BICC1: variants seen among roughly 807,000 people sequenced by gnomAD.
BICC1 encodes protein bicaudal C homolog 1.
BICC1 carries 43 observed loss-of-function variants against 111.0 expected under a neutral mutation model. The ratio of observed to expected loss-of-function variants is 0.39; its 90% CI spans 0.30 to 0.50. BICC1 has a LOEUF of 0.50. BICC1 is among the 20% of genes least tolerant of loss of function. The pLI is 0.88. For missense variants in BICC1, 1,091 were observed against 1,203.2 expected (o/e 0.91, Z 1.38); for synonymous variants, 467 against 434.4 (o/e 1.07, Z -0.93).
chr10:58,601,373 C>A (rs767975586), intron 1 of BICC1, among the ~76,000 whole-genome samples: 4 of 151,324 alleles, frequency 2.6e-5, no homozygotes, highest in Non-Finnish European at 5.9e-5. Flanking sequence ...TTATCATAAT[C>A]ATTTTTCCTT....
rs574878110 is a variant in BICC1, at chr10:58,830,565, A to G, written c.*1674A>G. On this transcript the variant is annotated 3_prime_UTR_variant, in exon 21 of 21. Coordinates refer to ENST00000373886, the MANE Select transcript of BICC1 (RefSeq NM_001080512.3). ...TTTTCCATGGCTGAGTCTGACCATT[A>G]CAGTAAGAACAAGAATTGAAGAGGC... 7.2e-5 allele frequency: 11 copies of G among 152,326 alleles called. No homozygotes were observed. In the South Asian group the frequency reaches 1.0e-3, roughly 14 times the overall value. 9.4% of individuals were successfully genotyped at this position (152,326 alleles called of 1,614,324 possible).
intron 1 of BICC1, among the ~76,000 whole-genome samples, chr10:58,534,464 T>G (rs2131863088): frequency 6.6e-6 from 1 of 151,776 alleles, no homozygotes; most frequent in Admixed American, 6.6e-5. Context: ...ACACAAAGAT[T>G]CTCTATAACC....
At chr10:58,546,475 A>C (rs979677259) in intron 1 of BICC1, among the ~76,000 whole-genome samples, 1 of 152,164 alleles carries the variant, frequency 6.6e-6, no homozygotes, top group Non-Finnish European at 1.5e-5. Flanking sequence ...AGATTACGAA[A>C]AATATTTATG....
At chr10:58,786,384 C>T (rs1396304301) in intron 4 of BICC1, among the ~76,000 whole-genome samples, 1 of 152,140 alleles carries the variant, frequency 6.6e-6, no homozygotes, top group Admixed American at 6.6e-5. Flanking sequence ...CTTCTTTCTA[C>T]CAGCAAGAGT....
At chr10:58,803,283 G>A (rs1278231464) in intron 15 of BICC1, 41 bp downstream of exon 15, 2 of 1,535,794 alleles carry the variant, frequency 1.3e-6, no homozygotes, top group East Asian at 2.3e-5. Context: ...AATGTCATAT[G>A]TTTGGGTTCT....
At chr10:58,728,234 G>T (rs1055925951) in intron 3 of BICC1, among the ~76,000 whole-genome samples, 1 of 152,136 alleles carries the variant, frequency 6.6e-6, no homozygotes, top group Non-Finnish European at 1.5e-5. Flanking sequence ...TTTTACAATT[G>T]TCATCAATCC....
At chr10:58,601,166 A>ATATATATATATATATATC (rs1845022909) in intron 1 of BICC1, among the ~76,000 whole-genome samples, 2 of 140,966 alleles carry the variant, frequency 1.4e-5, no homozygotes, top group Non-Finnish European at 3.1e-5. Flanking sequence ...ATATATATAT[A>ATATATATATATATATATC]TATATCTCCC....
At chr10:58,700,025 A>G (rs2132443155) in intron 2 of BICC1, among the ~76,000 whole-genome samples, 1 of 152,316 alleles carries the variant, frequency 6.6e-6, no homozygotes, top group South Asian at 2.1e-4. Context: ...GAGAGTCTTA[A>G]GTAACTTAGG....
intron 1 of BICC1, among the ~76,000 whole-genome samples, chr10:58,543,382 A>G (rs1399983813): frequency 6.6e-6 from 1 of 152,148 alleles, no homozygotes; most frequent in Non-Finnish European, 1.5e-5. Context: ...AGAGTTGTTT[A>G]GTGGTTATAG....
chr10:58,567,767 A>G (rs1658435), intron 1 of BICC1, among the ~76,000 whole-genome samples: 69,640 of 151,714 alleles, frequency 0.46, 17,010 homozygotes, highest in Admixed American at 0.62. Context: ...GCATTTATAA[A>G]GTTCCTGCTA....
chr10:58,768,381 A>G (rs1842517177), intron 3 of BICC1, among the ~76,000 whole-genome samples: 1 of 152,196 alleles, frequency 6.6e-6, no homozygotes, highest in African/African-American at 2.4e-5. Context: ...AAGGAAGGAG[A>G]GATAAAGATT....
intron 1 of BICC1, among the ~76,000 whole-genome samples, chr10:58,616,826 T>C (rs1016813120): frequency 6.6e-5 from 10 of 152,254 alleles, no homozygotes; most frequent in Admixed American, 1.3e-4. Context: ...GCTGCAGGGC[T>C]ATGTGCATAG....
intron 2 of BICC1, among the ~76,000 whole-genome samples, chr10:58,673,839 T>G (rs1218432281): frequency 6.6e-6 from 1 of 150,588 alleles, no homozygotes; most frequent in African/African-American, 2.4e-5. Flanking sequence ...CATGTTGAGC[T>G]AGGCTGGTCT....
At chr10:58,605,918 T>C (rs1228943575) in intron 1 of BICC1, among the ~76,000 whole-genome samples, 1 of 152,256 alleles carries the variant, frequency 6.6e-6, no homozygotes, top group Non-Finnish European at 1.5e-5. Context: ...TTGTTTTTCC[T>C]GGAGTTGGTA....
intron 1 of BICC1, among the ~76,000 whole-genome samples, chr10:58,611,885 A>C (rs191417414): frequency 5.3e-5 from 8 of 152,212 alleles, no homozygotes; most frequent in Non-Finnish European, 8.8e-5. Context: ...TTAAGAAAAA[A>C]TATTAAAGTG....
chr10:58,671,417 A>G (rs529926307), intron 2 of BICC1, among the ~76,000 whole-genome samples: 313 of 152,274 alleles, frequency 2.1e-3, no homozygotes, highest in African/African-American at 7.1e-3. Context: ...TGGATATCAC[A>G]GTCCAGTTGG....
At chr10:58,707,099 G>C (rs560593667) in intron 3 of BICC1, among the ~76,000 whole-genome samples, 1 of 152,256 alleles carries the variant, frequency 6.6e-6, no homozygotes, top group South Asian at 2.1e-4. Flanking sequence ...AGACAATTTG[G>C]CACCAAGTTT....
intron 2 of BICC1, among the ~76,000 whole-genome samples, chr10:58,688,478 CT>C (rs370558646): frequency 6.6e-4 from 101 of 152,234 alleles, no homozygotes; most frequent in Admixed American, 4.3e-3. Flanking sequence ...AAGTCCCCCC[CT>C]GACCCAGAAG....
chr10:58,538,726 A>G (rs148741340), intron 1 of BICC1, among the ~76,000 whole-genome samples: 20 of 152,040 alleles, frequency 1.3e-4, no homozygotes, highest in Admixed American at 8.5e-4. Flanking sequence ...ACGGAACTCA[A>G]ATCACTAAGA....
Sources: gnomAD v4.1 joint callset for allele counts (sites outside exome capture counted in the v4.1 genomes callset) on GRCh38, gnomAD v4.1.1 for gene constraint, MANE v1.5 for transcripts, NCBI Gene and HGNC (gene_info 2026-07-23, HGNC 2026-07-21) for gene names.